GPD2: variants seen among roughly 807,000 people sequenced by gnomAD.
GPD2 encodes the protein glycerol-3-phosphate dehydrogenase 2.
Under a neutral mutation model 82.4 loss-of-function variants are expected in GPD2, and 54 were observed. The observed-to-expected ratio is 0.66, with a 90% confidence interval of 0.53 to 0.82. The LOEUF (loss-of-function observed/expected upper bound fraction) is 0.82, where lower values mean the gene tolerates loss of function less well. Among genes scored for constraint, GPD2 ranks in the 40% least tolerant of loss-of-function variants. The pLI, the probability that GPD2 is intolerant of heterozygous loss-of-function variation, is 0.00. For missense variants in GPD2, 748 were observed against 896.2 expected (o/e 0.83, Z 2.11); for synonymous variants, 288 against 306.1 (o/e 0.94, Z 0.62).
chr2:156,435,658 G>A (rs1307215889), upstream of GPD2: 1 of 152,240 alleles, frequency 6.6e-6, no homozygotes, highest in Non-Finnish European at 1.5e-5. Context: ...CCCGCCGGGG[G>A]AGCCGGGCGA....
rs1686555686 is a variant in GPD2 at position 156,546,754 on chromosome 2, C to G, written c.662-2854C>G. Among the ~76,000 whole-genome samples the G allele has an allele frequency of 2.0e-5, 3 of 152,310 alleles. No homozygotes were observed. In the South Asian group the frequency reaches 6.2e-4, roughly 32 times the overall value. On this transcript the variant is annotated intron_variant, in intron 6 of 16. Coordinates refer to ENST00000438166, the MANE Select transcript of GPD2 (RefSeq NM_000408.5). Reference sequence around the variant, plus strand: ...ATCACTCATAACTATTTCTGCTTCCCTCCCACTTATTTAACATAAATATAG... The same window carrying G: ...ATCACTCATAACTATTTCTGCTTCCGTCCCACTTATTTAACATAAATATAG...
chr2:156,444,389 G>A (rs1051514410), intron 1 of GPD2, among the ~76,000 whole-genome samples: 3 of 151,910 alleles, frequency 2.0e-5, no homozygotes, highest in South Asian at 2.1e-4. Flanking sequence ...ATCCCCATCC[G>A]CCATTAAGTA....
In GPD2 at chr2:156,570,261, T is replaced by C. The variant is rs951161882; in HGVS notation, c.1608+43T>C. On this transcript the variant is annotated intron_variant, in intron 12 of 16. Coordinates refer to ENST00000438166, the MANE Select transcript of GPD2 (RefSeq NM_000408.5). ...TAGGAATTTCATGTCTGCCATGGGATACCATTTATCTGTTCATTTGTCATC... is the reference window on the plus strand; with the variant it reads ...TAGGAATTTCATGTCTGCCATGGGACACCATTTATCTGTTCATTTGTCATC... 5.1e-6 allele frequency: 8 copies of C among 1,567,966 alleles called. No homozygotes were observed. The African/African-American group carries it at 8.1e-5, about 16-fold the overall frequency.
intron 1 of GPD2, among the ~76,000 whole-genome samples, chr2:156,460,106 AT>A (rs1172987551): frequency 6.6e-6 from 1 of 152,228 alleles, no homozygotes; most frequent in Non-Finnish European, 1.5e-5. Flanking sequence ...GTTTTACTTA[AT>A]ATTATCCCAA....
chr2:156,404,606 C>T, the GPD2 span, among the ~76,000 whole-genome samples: 1 of 146,834 alleles, frequency 6.8e-6, no homozygotes, highest in Non-Finnish European at 1.5e-5. Context: ...TTTGGGAGGC[C>T]GAGGTGAGTG....
chr2:156,571,743 TAC>T (rs35808251), intron 13 of GPD2, among the ~76,000 whole-genome samples: 42,189 of 151,672 alleles, frequency 0.28, 6,298 homozygotes, highest in East Asian at 0.57. Flanking sequence ...CTCAGATGCA[TAC>T]ACACACACAC....
intron 3 of GPD2, among the ~76,000 whole-genome samples, chr2:156,509,971 C>T (rs886235449): frequency 6.6e-6 from 1 of 151,786 alleles, no homozygotes; most frequent in Non-Finnish European, 1.5e-5. Flanking sequence ...TTAGTAGAGA[C>T]AGAGTTTCAC....
chr2:156,515,368 AT>A (rs1685162412), intron 6 of GPD2, among the ~76,000 whole-genome samples: 1 of 150,510 alleles, frequency 6.6e-6, no homozygotes, highest in African/African-American at 2.4e-5. Context: ...ATGAGACCCT[AT>A]TTCAAAAAAA....
chr2:156,581,872 C>G (rs773192809), intron 16 of GPD2, among the ~76,000 whole-genome samples: 1 of 151,830 alleles, frequency 6.6e-6, no homozygotes, highest in Non-Finnish European at 1.5e-5. Flanking sequence ...CAACGTGTCT[C>G]TATAGGCTAA....
intron 2 of GPD2, among the ~76,000 whole-genome samples, chr2:156,483,818 T>C (rs954386466): frequency 2.0e-4 from 31 of 152,174 alleles, no homozygotes. Flanking sequence ...AACAATTTGT[T>C]TATCTTTTGA....
At chr2:156,450,610 G>A (rs1348709944) in intron 1 of GPD2, among the ~76,000 whole-genome samples, 1 of 151,792 alleles carries the variant, frequency 6.6e-6, no homozygotes, top group Non-Finnish European at 1.5e-5. Context: ...GAAGAGGCTG[G>A]GACAAAGTTT....
chr2:156,500,686 A>G (rs895882419), intron 3 of GPD2, among the ~76,000 whole-genome samples: 1 of 152,200 alleles, frequency 6.6e-6, no homozygotes, highest in African/African-American at 2.4e-5. Flanking sequence ...GAGCTTTTTG[A>G]TAAAATACTG....
chr2:156,477,640 A>G (rs1406353013), intron 2 of GPD2, among the ~76,000 whole-genome samples: 10 of 152,152 alleles, frequency 6.6e-5, no homozygotes, highest in Admixed American at 6.5e-4. Context: ...CAATGCATGT[A>G]TGTTGCAGTT....
chr2:156,557,792 G>A (rs1249130715), intron 9 of GPD2, among the ~76,000 whole-genome samples: 1 of 152,136 alleles, frequency 6.6e-6, no homozygotes, highest in Non-Finnish European at 1.5e-5. Flanking sequence ...TGAAACTTAT[G>A]CAGTCCTCTT....
intron 2 of GPD2, among the ~76,000 whole-genome samples, chr2:156,479,798 T>C (rs1445280092): frequency 6.6e-6 from 1 of 152,158 alleles, no homozygotes; most frequent in Admixed American, 6.5e-5. Flanking sequence ...TAGAGTGGCT[T>C]CTTCTTCATT....
Position 156,584,945 on chromosome 2 carries a change from GC to G in GPD2, c.*2030del, listed in dbSNP as rs1321901389. 6.6e-6 allele frequency: 1 copy of G among 151,928 alleles called. No homozygotes were observed. The highest frequency in any genetic ancestry group is 1.5e-5 in the Non-Finnish European group (1 of 67,940). 9.4% of individuals were successfully genotyped at this position (151,928 alleles called of 1,614,324 possible). A position where few individuals can be genotyped will look rare whatever the true frequency, so the allele number is the denominator to read the frequency against. On this transcript the variant is annotated 3_prime_UTR_variant, in exon 17 of 17. Transcript: ENST00000438166. Reference sequence around the variant, plus strand: ...CCCTCCCTGATTCTGTTACAGTAGGGCCCGGGCAGATCTGTGTTTGTTAAAC... The same window carrying G: ...CCCTCCCTGATTCTGTTACAGTAGGGCCGGGCAGATCTGTGTTTGTTAAAC...
upstream of GPD2, among the ~76,000 whole-genome samples, chr2:156,432,011 C>T (rs962439133): frequency 5.3e-5 from 8 of 151,686 alleles, no homozygotes; most frequent in South Asian, 2.1e-4. Flanking sequence ...CTCAGCCTCC[C>T]GAGTAGCTGG....
intron 3 of GPD2, among the ~76,000 whole-genome samples, chr2:156,499,889 G>A (rs1221827342): frequency 6.6e-6 from 1 of 151,256 alleles, no homozygotes; most frequent in East Asian, 1.9e-4. Context: ...AGACTAGTAA[G>A]ATGTGGCCTT....
At chr2:156,423,967 G>A in the GPD2 span, among the ~76,000 whole-genome samples, 6 of 152,310 alleles carry the variant, frequency 3.9e-5, no homozygotes, top group Admixed American at 2.0e-4. Context: ...CAAAAGCCAC[G>A]CCAGGTGGCT....
Sources: allele counts gnomAD v4.1 joint callset (sites outside exome capture counted in the v4.1 genomes callset), GRCh38; gene constraint gnomAD v4.1.1; transcripts MANE v1.5; gene names NCBI Gene and HGNC (gene_info 2026-07-23, HGNC 2026-07-21).